RPA1: variants seen among roughly 807,000 people sequenced by gnomAD.
RPA1 encodes the protein replication protein A 70 kDa DNA-binding subunit.
In RPA1, 49 loss-of-function variants were observed where a neutral mutation model predicts 83.0. That is an observed-to-expected ratio of 0.59 (90% confidence interval 0.47 to 0.75). RPA1 has a LOEUF of 0.75. RPA1 is among the 30% of genes least tolerant of loss of function. The pLI, the probability that RPA1 is intolerant of heterozygous loss-of-function variation, is 0.00. For synonymous variants in RPA1, 279 were observed against 281.8 expected (o/e 0.99, Z 0.10); for missense variants, 693 against 776.1 (o/e 0.89, Z 1.27).
At chr17:1,877,885 T>A (rs899739954) in intron 8 of RPA1, among the ~76,000 whole-genome samples, 2 of 152,242 alleles carry the variant, frequency 1.3e-5, no homozygotes, top group Non-Finnish European at 2.9e-5. Context: ...TCCTATGCCA[T>A]GGAAGTACGA....
intron 12 of RPA1, among the ~76,000 whole-genome samples, chr17:1,882,781 A>C (rs11654967): frequency 6.6e-6 from 1 of 152,216 alleles, no homozygotes; most frequent in South Asian, 2.1e-4. Flanking sequence ...TTCGGTGATG[A>C]TCACCACGCA....
chr17:1,874,978 G>A (rs8067195), intron 6 of RPA1, among the ~76,000 whole-genome samples: 131,032 of 152,276 alleles, frequency 0.86, 56,642 homozygotes, highest in Non-Finnish European at 0.9. Flanking sequence ...TTGCAGATAC[G>A]TGGTGCGTAT....
At chr17:1,831,012 C>T (rs1418026397) in intron 1 of RPA1, among the ~76,000 whole-genome samples, 2 of 152,088 alleles carry the variant, frequency 1.3e-5, no homozygotes, top group African/African-American at 2.4e-5. Context: ...GTTATCCGCC[C>T]GCCTCGGCCT....
In RPA1 at chr17:1,877,332, TG is replaced by T. The variant is rs968092784; in HGVS notation, c.690+22del. 3.7e-6 allele frequency: 6 copies of T among 1,610,754 alleles called. No individual in the cohort carries two copies. The highest frequency in any genetic ancestry group is 5.1e-6 in the Non-Finnish European group (6 of 1,177,682). The stretch of plus-strand genomic sequence containing the variant: ...ACGAAAGTGTGAGTGTTTGTCATGC[TG>T]GGGAGTGAGGGCAGTGGGCTCGCCG... On this transcript the variant is annotated intron_variant, in intron 8 of 16. Transcript: ENST00000254719.
intron 1 of RPA1, among the ~76,000 whole-genome samples, chr17:1,839,788 G>GTTTTTTTT (rs71150821): frequency 2.9e-5 from 2 of 68,948 alleles, no homozygotes; most frequent in African/African-American, 9.9e-5. Flanking sequence ...CGCCCAGCTA[G>GTTTTTTTT]TTTTTTTTTT....
At chr17:1,854,005 G>A (rs1411137880) in intron 5 of RPA1, 2 of 152,186 alleles carry the variant, frequency 1.3e-5, no homozygotes, top group Non-Finnish European at 2.9e-5. Flanking sequence ...GTTGAAACAA[G>A]TTGAATATAT....
chr17:1,861,244 C>T (rs1188823302), intron 5 of RPA1, among the ~76,000 whole-genome samples: 1 of 152,148 alleles, frequency 6.6e-6, no homozygotes, highest in Admixed American at 6.5e-5. Flanking sequence ...AGCTAGACGG[C>T]GATCTCCCCA....
intron 5 of RPA1, among the ~76,000 whole-genome samples, chr17:1,856,224 G>T (rs1220292700): frequency 6.6e-6 from 1 of 151,788 alleles, no homozygotes; most frequent in African/African-American, 2.4e-5. Flanking sequence ...AGCTACCTGA[G>T]CCCGGGAGGT....
At chr17:1,857,915 T>G in intron 5 of RPA1, 1 of 1,564,372 alleles carries the variant, frequency 6.4e-7, no homozygotes. Flanking sequence ...CAAGGAGATC[T>G]GAAAATACAA....
At chr17:1,861,414 G>C (rs1054742529) in intron 5 of RPA1, among the ~76,000 whole-genome samples, 4 of 152,132 alleles carry the variant, frequency 2.6e-5, no homozygotes, top group Admixed American at 6.6e-5. Flanking sequence ...CTTTCTGGTG[G>C]GGGGAGGGGG....
intron 5 of RPA1, among the ~76,000 whole-genome samples, chr17:1,866,049 T>C (rs1913163028): frequency 6.6e-6 from 1 of 152,026 alleles, no homozygotes; most frequent in Non-Finnish European, 1.5e-5. Context: ...AAGACCAGCC[T>C]GGGCAACATG....
Position 1,897,074 on chromosome 17 carries a change from G to A in RPA1, c.1750G>A (p.Glu584Lys). Residue 584 changes from glutamate (E) to lysine (K), a missense_variant, in exon 17 of 17, where the codon GAG (glutamate) becomes AAG (lysine). By Grantham distance (56) the Glu-to-Lys change is moderately conservative. Transcript: ENST00000254719. ...AACTACTTCTCCCTTTTTGAAGGAC[G>A]AGTCTCGAATTAAGGCCACTGTGAT... The part of the protein sequence containing the change: ...VRVKVETYND[E>K]SRIKATVMDV... The A allele has an allele frequency of 6.4e-7, 1 of 1,568,304 alleles. No homozygotes were observed. The highest frequency in any genetic ancestry group is 8.6e-7 in the Non-Finnish European group (1 of 1,156,182).
intron 1 of RPA1, among the ~76,000 whole-genome samples, chr17:1,835,803 C>T (rs888707557): frequency 1.2e-4 from 18 of 152,050 alleles, no homozygotes; most frequent in African/African-American, 3.9e-4. Flanking sequence ...CATACATGCA[C>T]GTGGTTTTAA....
At chr17:1,888,126 G>T (rs1326963920) in intron 13 of RPA1, among the ~76,000 whole-genome samples, 1 of 152,210 alleles carries the variant, frequency 6.6e-6, no homozygotes, top group East Asian at 1.9e-4. Context: ...CCAAATGGCT[G>T]CTAAGGCCTG....
Position 1,869,892 on chromosome 17 carries a change from C to T in RPA1, c.362-2542C>T, listed in dbSNP as rs139138198. On this transcript the variant is annotated intron_variant, in intron 5 of 16. Transcript: ENST00000254719. ...TCTCGTCTCTTGTGCCAGATTTGCA[C>T]ATCTGGTCCAGAGCAGGAGTTAAGG... Among the ~76,000 whole-genome samples, 846 of 152,270 alleles carry T rather than the reference C, an allele frequency of 5.6e-3. 5 individuals are homozygous for T. The highest frequency in any genetic ancestry group is 0.015 in the African/African-American group (604 of 41,540).
At chr17:1,840,388 G>T (rs934703681) in intron 1 of RPA1, among the ~76,000 whole-genome samples, 3 of 151,880 alleles carry the variant, frequency 2.0e-5, no homozygotes, top group African/African-American at 7.3e-5. Context: ...CCAGGTTCAA[G>T]CAATTCTCCT....
intron 5 of RPA1, among the ~76,000 whole-genome samples, chr17:1,856,691 T>A (rs12953001): frequency 0.21 from 31,872 of 151,170 alleles, 3,692 homozygotes; most frequent in East Asian, 0.41. Flanking sequence ...TTACTTTTTT[T>A]ATTTAATTTT....
chr17:1,878,368 GTT>G (rs1466821163), intron 8 of RPA1, among the ~76,000 whole-genome samples: 2 of 152,332 alleles, frequency 1.3e-5, no homozygotes, highest in Admixed American at 6.5e-5. Flanking sequence ...CACCCAAAAT[GTT>G]TGTGTGATGG....
intron 4 of RPA1, among the ~76,000 whole-genome samples, chr17:1,851,643 TTG>T (rs1222505023): frequency 1.3e-5 from 2 of 152,206 alleles, no homozygotes; most frequent in African/African-American, 4.8e-5. Flanking sequence ...TGTGTGTGTT[TTG>T]TCTTAGGTTT....
Sources: gnomAD v4.1 joint callset for allele counts (sites outside exome capture counted in the v4.1 genomes callset) on GRCh38, gnomAD v4.1.1 for gene constraint, MANE v1.5 for transcripts, NCBI Gene and HGNC (gene_info 2026-07-23, HGNC 2026-07-21) for gene names.